DTNB: variants seen among roughly 807,000 people sequenced by gnomAD.
DTNB encodes dystrobrevin beta.
In DTNB, 63 loss-of-function variants were observed where a neutral mutation model predicts 90.7. The observed-to-expected ratio is 0.69, with a 90% confidence interval of 0.57 to 0.86. The LOEUF (loss-of-function observed/expected upper bound fraction) is 0.86, where lower values mean the gene tolerates loss of function less well. DTNB is among the 40% of genes least tolerant of loss of function. The probability of loss-of-function intolerance (pLI) is 0.00; values close to 1 mark genes in which losing one functional copy is unlikely to be tolerated. For missense variants in DTNB, 744 were observed against 807.1 expected, an observed-to-expected ratio of 0.92 and a Z score of 0.95; for synonymous variants, 277 against 286.7, an observed-to-expected ratio of 0.97 and a Z score of 0.34.
intron 5 of DTNB, among the ~76,000 whole-genome samples, chr2:25,606,770 G>T (rs2067207600): frequency 2.0e-5 from 3 of 151,966 alleles, no homozygotes; most frequent in Non-Finnish European, 4.4e-5. Flanking sequence ...AAAAAAACAG[G>T]TCATCAGCTT....
chr2:25,580,173 G>A (rs1326596173), intron 7 of DTNB, among the ~76,000 whole-genome samples: 1 of 151,562 alleles, frequency 6.6e-6, no homozygotes, highest in African/African-American at 2.4e-5. Flanking sequence ...GTAGAAACAG[G>A]GTTTTGCCAT....
intron 10 of DTNB, among the ~76,000 whole-genome samples, chr2:25,460,622 G>C (rs1160668197): frequency 6.6e-6 from 1 of 152,092 alleles, no homozygotes; most frequent in Non-Finnish European, 1.5e-5. Flanking sequence ...AAGTAGAAAG[G>C]AGAGATCTAT....
rs968774181 is a variant in DTNB at position 25,438,181 on chromosome 2, G to A, written c.1258-4186C>T. On this transcript the variant is annotated intron_variant, in intron 12 of 20. Coordinates refer to ENST00000406818, the MANE Select transcript of DTNB (RefSeq NM_021907.5). Reference sequence around the variant, plus strand: ...GAAGCTGTGGTAAGAGCGAGGCACGGGGAGATGAAGGGTCTAGACCAGGGG... The same window carrying A: ...GAAGCTGTGGTAAGAGCGAGGCACGAGGAGATGAAGGGTCTAGACCAGGGG... Among the ~76,000 whole-genome samples, 33 of 152,122 alleles carry A rather than the reference G, an allele frequency of 2.2e-4. 1 individual carries two copies. Among genetic ancestry groups the A allele is most frequent in the South Asian group, 2.1e-4 (1 of 4,830 alleles).
At chr2:25,516,473 G>A (rs548386023) in intron 9 of DTNB, among the ~76,000 whole-genome samples, 3 of 151,928 alleles carry the variant, frequency 2.0e-5, no homozygotes, top group East Asian at 1.9e-4. Flanking sequence ...TGTTGGTCTC[G>A]AACTCCTGGC....
chr2:25,645,235 T>G (rs2079159742), intron 2 of DTNB, among the ~76,000 whole-genome samples: 1 of 151,622 alleles, frequency 6.6e-6, no homozygotes, highest in Non-Finnish European at 1.5e-5. Context: ...ATACAAAAAT[T>G]AGCTGGGTGT....
At chr2:25,672,071 G>GGAGCAAGCTCTTGAAGGCCAAC (rs1254532470) in intron 1 of DTNB, among the ~76,000 whole-genome samples, 2 of 151,978 alleles carry the variant, frequency 1.3e-5, no homozygotes, top group Non-Finnish European at 2.9e-5. Context: ...AACAGGCCAA[G>GGAGCAAGCTCTTGAAGGCCAAC]GAGCAAGCTC....
chr2:25,509,343 A>G (rs1419125970), intron 9 of DTNB, among the ~76,000 whole-genome samples: 1 of 152,154 alleles, frequency 6.6e-6, no homozygotes, highest in Non-Finnish European at 1.5e-5. Context: ...CTCTATTCCT[A>G]ACTTTCTGAG....
At chr2:25,555,893 G>C (rs1572530486) in intron 8 of DTNB, among the ~76,000 whole-genome samples, 1 of 151,872 alleles carries the variant, frequency 6.6e-6, no homozygotes, top group Admixed American at 6.6e-5. Flanking sequence ...GGTGGCGTGT[G>C]CCTGTAATCC....
At chr2:25,401,780 A>C (rs1294507257) in intron 16 of DTNB, among the ~76,000 whole-genome samples, 1 of 152,192 alleles carries the variant, frequency 6.6e-6, no homozygotes, top group Non-Finnish European at 1.5e-5. Context: ...ACGCAACTAC[A>C]ACTTGGAGCT....
At chr2:25,472,070 C>T (rs1558666471) in intron 10 of DTNB, among the ~76,000 whole-genome samples, 1 of 152,056 alleles carries the variant, frequency 6.6e-6, no homozygotes, top group East Asian at 1.9e-4. Flanking sequence ...AGAGGAAGTA[C>T]TAATTAAGGG....
At chr2:25,442,491 G>A (rs946451433) in intron 12 of DTNB, among the ~76,000 whole-genome samples, 7 of 152,130 alleles carry the variant, frequency 4.6e-5, no homozygotes, top group South Asian at 2.1e-4. Context: ...AAAACTTCTC[G>A]GGTGATTTCA....
At chr2:25,467,449 A>T (rs2150264501) in intron 10 of DTNB, among the ~76,000 whole-genome samples, 1 of 151,986 alleles carries the variant, frequency 6.6e-6, no homozygotes, top group Admixed American at 6.6e-5. Context: ...CAGGCGGGTA[A>T]CATCAGGCCC....
chr2:25,442,490 C>G (rs192960808), intron 12 of DTNB, among the ~76,000 whole-genome samples: 2 of 152,128 alleles, frequency 1.3e-5, no homozygotes, highest in Admixed American at 6.5e-5. Flanking sequence ...AAAAACTTCT[C>G]GGGTGATTTC....
chr2:25,503,034 A>G, intron 9 of DTNB, among the ~76,000 whole-genome samples: 1 of 128,738 alleles, frequency 7.8e-6, no homozygotes, highest in South Asian at 2.9e-4. Flanking sequence ...AGCCAGAGTG[A>G]CAGAGCAAGA....
intron 9 of DTNB, among the ~76,000 whole-genome samples, chr2:25,531,095 T>C (rs1308784697): frequency 1.3e-5 from 2 of 152,252 alleles, no homozygotes; most frequent in African/African-American, 4.8e-5. Flanking sequence ...TTCATTTCCA[T>C]GTTGTCTACA....
chr2:25,668,865 G>T (rs932732893), intron 1 of DTNB, among the ~76,000 whole-genome samples: 1 of 146,178 alleles, frequency 6.8e-6, no homozygotes, highest in Non-Finnish European at 1.5e-5. Flanking sequence ...TGGCCAAAAC[G>T]GGGAAACAAC....
At chr2:25,545,569 T>C (rs2082234169) in intron 8 of DTNB, among the ~76,000 whole-genome samples, 1 of 152,146 alleles carries the variant, frequency 6.6e-6, no homozygotes, top group Admixed American at 6.5e-5. Context: ...CATTATCCAA[T>C]ATGGAAGCCA....
chr2:25,580,923 T>C, intron 6 of DTNB, 97 bp from the exon 7 acceptor site: 1 of 975,350 alleles, frequency 1.0e-6, no homozygotes, highest in Non-Finnish European at 1.5e-6. Context: ...CTTTAGTGAA[T>C]TACACGGTAA....
intron 10 of DTNB, among the ~76,000 whole-genome samples, chr2:25,463,688 G>A (rs750161823): frequency 1.3e-5 from 2 of 152,152 alleles, no homozygotes; most frequent in Admixed American, 6.5e-5. Flanking sequence ...CTGCAGGCAC[G>A]GAACGAATAA....
Sources: gnomAD v4.1 joint callset for allele counts (sites outside exome capture counted in the v4.1 genomes callset) on GRCh38, gnomAD v4.1.1 for gene constraint, MANE v1.5 for transcripts, NCBI Gene and HGNC (gene_info 2026-07-23, HGNC 2026-07-21) for gene names.